The following ZNF385C variants were observed in gnomAD, a reference collection of about 807,000 sequenced individuals.
The protein encoded by ZNF385C is zinc finger protein 385C.
In ZNF385C, 28 loss-of-function variants were observed where a neutral mutation model predicts 35.4. That is an observed-to-expected ratio of 0.79 (90% CI 0.59 to 1.08). The LOEUF is 1.08. Among genes scored for constraint, ZNF385C ranks in the 50% least tolerant of loss-of-function variants. The pLI is 0.00. For synonymous variants in ZNF385C, 248 were observed against 248.2 expected (o/e 1.00, Z 0.01); for missense variants, 605 against 595.6 (o/e 1.02, Z -0.16).
At chr17:42,042,839 T>C in intron 2 of ZNF385C, 1 of 1,232,342 alleles carries the variant, frequency 8.1e-7, no homozygotes, top group Non-Finnish European at 1.0e-6. Flanking sequence ...CCCACCTGCA[T>C]GTCCCTCACC....
At chr17:42,055,519 G>A (rs542580283) in intron 2 of ZNF385C, among the ~76,000 whole-genome samples, 1 of 152,268 alleles carries the variant, frequency 6.6e-6, no homozygotes. Context: ...GCAGGAGGCA[G>A]AGGCAGGTCA....
rs183415474 is a variant in ZNF385C, at chr17:42,080,589, A to C, written c.-2-17531T>G. On this transcript the variant is annotated intron_variant, in intron 1 of 8. Transcript: ENST00000692273. ...TGGGGAAGGGAGAACCTCCAAGTCC[A>C]TTGGCTGAGGGAGATGGTGGGGTAT... 2.6e-5 allele frequency among the ~76,000 whole-genome samples: 4 copies of C among 152,256 alleles called. No individual in the cohort carries two copies. In the East Asian group the frequency reaches 5.8e-4, roughly 22 times the overall value.
chr17:42,056,813 C>T (rs947159978), intron 2 of ZNF385C, among the ~76,000 whole-genome samples: 5 of 152,112 alleles, frequency 3.3e-5, no homozygotes, highest in Admixed American at 6.6e-5. Flanking sequence ...CCATGTGAGA[C>T]GTGCCTTTCA....
chr17:42,034,139 C>T lies in ZNF385C; in HGVS notation c.510+86G>A, dbSNP rs1002291656. On this transcript the variant is annotated intron_variant, in intron 4 of 8. Transcript: ENST00000692273. ...CACAGCCCCTTTGCCACTGATATTCCTCCCAGAAGGACTCTGAAAGCCCAG... is the reference window on the plus strand; with the variant it reads ...CACAGCCCCTTTGCCACTGATATTCTTCCCAGAAGGACTCTGAAAGCCCAG... The T allele has an allele frequency of 1.0e-5, 11 of 1,095,890 alleles. No individual in the cohort carries two copies. The African/African-American group carries it at 1.1e-4, about 11-fold the overall frequency. The allele number at this position is 1,095,890 out of a possible 1,614,324, so 67.9% of individuals were successfully genotyped here.
rs72820858 is a variant in ZNF385C at position 42,039,704 on chromosome 17, C to T, written c.251-1819G>A. 4,071 of 1,232,510 alleles carry T rather than the reference C, an allele frequency of 3.3e-3. 4 individuals are homozygous for T. Among genetic ancestry groups the T allele is most frequent in the Non-Finnish European group, 3.9e-3 (3,827 of 988,276 alleles). 76.3% of individuals were successfully genotyped at this position (1,232,510 alleles called of 1,614,324 possible). ...GATGGGCCGAGGGAAGGAGGCCACC[C>T]TCAGGTGAGCTGCGACCCCAGGAAG... is the stretch of plus-strand genomic sequence containing the variant. On this transcript the variant is annotated intron_variant, in intron 2 of 8. Coordinates refer to ENST00000692273, the MANE Select transcript of ZNF385C (RefSeq NM_001392013.1).
intron 2 of ZNF385C, among the ~76,000 whole-genome samples, chr17:42,042,335 A>G (rs1555656209): frequency 6.6e-6 from 1 of 152,210 alleles, no homozygotes; most frequent in Non-Finnish European, 1.5e-5. Flanking sequence ...TGGCCTGGCC[A>G]ACATGGTGAT....
At chr17:42,042,712 G>T in intron 2 of ZNF385C, 1 of 705,212 alleles carries the variant, frequency 1.4e-6, no homozygotes, top group Non-Finnish European at 2.0e-6. Flanking sequence ...GTTCTGAAGG[G>T]TGAAGATATG....
chr17:42,039,926 A>G (rs1555655922), intron 2 of ZNF385C: 1 of 1,231,112 alleles, frequency 8.1e-7, no homozygotes, highest in African/African-American at 1.6e-5. Context: ...GCCAAAGCCA[A>G]GGCGGCTAGG....
At chr17:42,064,154 C>A (rs1015761804) in intron 1 of ZNF385C, among the ~76,000 whole-genome samples, 4 of 151,866 alleles carry the variant, frequency 2.6e-5, no homozygotes, top group Non-Finnish European at 5.9e-5. Flanking sequence ...GTGGCCCCTC[C>A]AGGCCCCCAT....
At chr17:42,048,583 A>T (rs1418197556) in intron 2 of ZNF385C, among the ~76,000 whole-genome samples, 7 of 152,052 alleles carry the variant, frequency 4.6e-5, no homozygotes, top group Non-Finnish European at 1.0e-4. Flanking sequence ...CCCCTCTCCC[A>T]ATCATCCCTG....
chr17:42,052,051 G>A (rs1345234145), intron 2 of ZNF385C, among the ~76,000 whole-genome samples: 3 of 152,210 alleles, frequency 2.0e-5, no homozygotes, highest in Non-Finnish European at 4.4e-5. Flanking sequence ...GGGTCAGGTT[G>A]GGGGTAGGTC....
At chr17:42,069,252 A>G (rs1386386349) in intron 1 of ZNF385C, among the ~76,000 whole-genome samples, 2 of 140,378 alleles carry the variant, frequency 1.4e-5, no homozygotes, top group African/African-American at 5.5e-5. Context: ...CTGTGTGTCC[A>G]TCAATGTGGA....
intron 1 of ZNF385C, among the ~76,000 whole-genome samples, chr17:42,083,105 C>T (rs1204674422): frequency 9.9e-5 from 15 of 152,248 alleles, no homozygotes; most frequent in Middle Eastern, 3.4e-3. Context: ...AAAAACAGTA[C>T]CTCTTGAGAG....
intron 3 of ZNF385C, among the ~76,000 whole-genome samples, chr17:42,034,578 A>G (rs2052800475): frequency 1.3e-5 from 2 of 151,550 alleles, no homozygotes; most frequent in Admixed American, 1.3e-4. Context: ...TTGGGAGTTC[A>G]AGACCAGCCT....
chr17:42,073,086 C>T (rs985196880), intron 1 of ZNF385C, among the ~76,000 whole-genome samples: 5 of 152,176 alleles, frequency 3.3e-5, no homozygotes, highest in Non-Finnish European at 4.4e-5. Context: ...ACTGAAACCT[C>T]AGAACCACTC....
intron 1 of ZNF385C, among the ~76,000 whole-genome samples, chr17:42,094,659 G>A (rs2053899216): frequency 1.3e-5 from 2 of 148,264 alleles, no homozygotes; most frequent in African/African-American, 2.5e-5. Context: ...CTCACAGGCC[G>A]AAGCAGAAAG....
intron 1 of ZNF385C, among the ~76,000 whole-genome samples, chr17:42,082,590 T>C (rs184434967): frequency 3.3e-4 from 50 of 152,362 alleles, no homozygotes; most frequent in Admixed American, 2.6e-3. Context: ...TGTACAATTA[T>C]GTTTCCCCAG....
intron 1 of ZNF385C, among the ~76,000 whole-genome samples, chr17:42,086,995 T>C (rs1168465320): frequency 3.9e-5 from 6 of 151,978 alleles, no homozygotes; most frequent in African/African-American, 1.4e-4. Context: ...TAATTTTTTG[T>C]ACTTTTAGTA....
intron 8 of ZNF385C, 34 bp downstream of exon 8, chr17:42,027,584 C>A: frequency 1.3e-6 from 1 of 777,574 alleles, no homozygotes; most frequent in Non-Finnish European, 2.0e-6. Context: ...CCCCTCCTGA[C>A]CCAGTCCCAG....
Sources: gnomAD v4.1 joint callset for allele counts (sites outside exome capture counted in the v4.1 genomes callset) on GRCh38, gnomAD v4.1.1 for gene constraint, MANE v1.5 for transcripts, NCBI Gene and HGNC (gene_info 2026-07-23, HGNC 2026-07-21) for gene names.